TSPAN18: variants seen among roughly 807,000 people sequenced by gnomAD.
The protein encoded by TSPAN18 is tetraspanin-18.
In TSPAN18, 14 loss-of-function variants were observed where a neutral mutation model predicts 27.3. That is an observed-to-expected ratio of 0.51 (90% CI 0.34 to 0.80). The LOEUF (loss-of-function observed/expected upper bound fraction) is 0.80, where lower values mean the gene tolerates loss of function less well. TSPAN18 is among the 30% of genes least tolerant of loss of function. The pLI is 0.01. For missense variants in TSPAN18, 268 were observed against 323.9 expected, an observed-to-expected ratio of 0.83 and a Z score of 1.32; for synonymous variants, 143 against 136.5, an observed-to-expected ratio of 1.05 and a Z score of -0.33.
At chr11:44,843,804 A>G (rs569884621) in intron 2 of TSPAN18, among the ~76,000 whole-genome samples, 1 of 152,368 alleles carries the variant, frequency 6.6e-6, no homozygotes, top group Admixed American at 6.5e-5. Context: ...TGTTCTGCCC[A>G]GCTCACCAGC....
chr11:44,883,337 G>T (rs767320373), intron 3 of TSPAN18, among the ~76,000 whole-genome samples: 8 of 152,214 alleles, frequency 5.3e-5, no homozygotes, highest in Non-Finnish European at 2.9e-5. Context: ...GTGGCACCTA[G>T]ATGTTTCTGC....
chr11:44,745,393 T>A (rs947562081), intron 1 of TSPAN18, among the ~76,000 whole-genome samples: 6 of 152,216 alleles, frequency 3.9e-5, no homozygotes, highest in Non-Finnish European at 5.9e-5. Context: ...GAGGCTCTAA[T>A]GAGCTCACAG....
At position 44,930,454 on chromosome 11, in the gene TSPAN18, C is replaced by A; in HGVS notation, c.*1276C>A. 4.6e-6 allele frequency: 1 copy of A among 215,778 alleles called. No homozygotes were observed. The highest frequency in any genetic ancestry group is 6.7e-5 in the South Asian group (1 of 14,822). The allele number at this position is 215,778 out of a possible 1,614,324, so 13.4% of individuals were successfully genotyped here. ...GGAGTGTTGAGGTCACACATTGACT[C>A]CCCTGAGCCCTCTTCTCTCCAGGCT... On this transcript the variant is annotated 3_prime_UTR_variant, in exon 10 of 10. Coordinates refer to ENST00000520358, the MANE Select transcript of TSPAN18 (RefSeq NM_130783.5).
At chr11:44,863,351 GGC>G (rs1857946949) in intron 3 of TSPAN18, among the ~76,000 whole-genome samples, 1 of 152,222 alleles carries the variant, frequency 6.6e-6, no homozygotes, top group Non-Finnish European at 1.5e-5. Flanking sequence ...CAGGCCTCCA[GGC>G]TTGGCCGTGC....
At chr11:44,751,940 A>G (rs1855220358) in intron 1 of TSPAN18, among the ~76,000 whole-genome samples, 1 of 151,878 alleles carries the variant, frequency 6.6e-6, no homozygotes, top group Non-Finnish European at 1.5e-5. Flanking sequence ...AAAAAAAAAA[A>G]GAAGTCATAT....
intron 3 of TSPAN18, among the ~76,000 whole-genome samples, chr11:44,861,910 A>G (rs72899306): frequency 0.09 from 13,640 of 151,866 alleles, 824 homozygotes; most frequent in Middle Eastern, 0.15. Flanking sequence ...TCTTTCTCAT[A>G]AAGAGTCCCT....
intron 2 of TSPAN18, among the ~76,000 whole-genome samples, chr11:44,846,259 T>G (rs1857477892): frequency 6.6e-6 from 1 of 152,256 alleles, no homozygotes; most frequent in Non-Finnish European, 1.5e-5. Flanking sequence ...TTTGTGTGAC[T>G]CTAGCATTCC....
rs1590671474 is a variant in TSPAN18, at chr11:44,908,831, A to AAAGAAAGAAAGAAAGAAAGGAAAGAAAG, written c.64-873_64-872insAGAAAGAAAGAAAGAAAGGAAAGAAAGA. ...AGAAAGAAAGAAAGAAAGAAAGAAA[A>AAAGAAAGAAAGAAAGAAAGGAAAGAAAG]AGAAAAATGGAGCAGATATTTATTG... On this transcript the variant is annotated intron_variant, in intron 4 of 9. Coordinates refer to ENST00000520358, the MANE Select transcript of TSPAN18 (RefSeq NM_130783.5). Among the ~76,000 whole-genome samples, 9 of 96,236 alleles carry AAAGAAAGAAAGAAAGAAAGGAAAGAAAG rather than the reference A, an allele frequency of 9.4e-5. 1 individual carries two copies. Among genetic ancestry groups the AAAGAAAGAAAGAAAGAAAGGAAAGAAAG allele is most frequent in the African/African-American group, 3.8e-4 (9 of 23,804 alleles). The allele number at this position is 96,236 out of a possible 152,430, so 63.1% of individuals were successfully genotyped here.
At chr11:44,833,381 C>T (rs1441839791) in intron 2 of TSPAN18, among the ~76,000 whole-genome samples, 1 of 151,892 alleles carries the variant, frequency 6.6e-6, no homozygotes, top group East Asian at 1.9e-4. Context: ...AATGGTGACT[C>T]TTAGGTAATT....
chr11:44,765,335 G>A (rs1381022441), intron 2 of TSPAN18, among the ~76,000 whole-genome samples: 1 of 152,226 alleles, frequency 6.6e-6, no homozygotes. Flanking sequence ...CCATGGAGAG[G>A]AGAGGGGATC....
At chr11:44,854,162 T>G (rs1426741292) in intron 2 of TSPAN18, among the ~76,000 whole-genome samples, 1 of 115,822 alleles carries the variant, frequency 8.6e-6, no homozygotes, top group South Asian at 3.0e-4. Flanking sequence ...CTGTGCCACA[T>G]GCAGAGCTCC....
chr11:44,890,971 G>C (rs1858830015), intron 3 of TSPAN18, among the ~76,000 whole-genome samples: 1 of 152,104 alleles, frequency 6.6e-6, no homozygotes, highest in Non-Finnish European at 1.5e-5. Context: ...CAGAGTTCGA[G>C]ACCAGTCTGG....
chr11:44,917,783 C>T, intron 5 of TSPAN18, 189 bp from the exon 6 acceptor site: 4 of 600,378 alleles, frequency 6.7e-6, no homozygotes, highest in Non-Finnish European at 1.2e-5. Context: ...TGATCTCAAT[C>T]CTGTTGACTC....
rs1052665860 is a variant in TSPAN18, at chr11:44,762,873, G to A, written c.-239-1553G>A. Among the ~76,000 whole-genome samples the A allele has an allele frequency of 2.0e-5, 3 of 152,098 alleles. No individual in the cohort carries two copies. In the East Asian group the frequency reaches 5.8e-4, roughly 29 times the overall value. On this transcript the variant is annotated intron_variant, in intron 1 of 9. Coordinates refer to ENST00000520358, the MANE Select transcript of TSPAN18 (RefSeq NM_130783.5). ...GCTGCCCTGATGCTGGGGTCTGTGG[G>A]GTAGACCTCGAACTCATCACCTTCC... is the stretch of plus-strand genomic sequence containing the variant.
chr11:44,790,611 C>CGT (rs150864803), intron 2 of TSPAN18, among the ~76,000 whole-genome samples: 3 of 148,954 alleles, frequency 2.0e-5, no homozygotes, highest in Non-Finnish European at 4.5e-5. Context: ...TGCATGTGTT[C>CGT]GTGTGTGTGT....
intron 1 of TSPAN18, among the ~76,000 whole-genome samples, chr11:44,735,720 C>T (rs1854776452): frequency 6.6e-6 from 1 of 151,926 alleles, no homozygotes; most frequent in Non-Finnish European, 1.5e-5. Context: ...GGGTTCATAC[C>T]ATTCTCCTGC....
intron 2 of TSPAN18, among the ~76,000 whole-genome samples, chr11:44,808,561 CAT>C (rs1156744713): frequency 3.9e-5 from 6 of 152,114 alleles, no homozygotes; most frequent in African/African-American, 1.4e-4. Context: ...GAGTGAGTGA[CAT>C]GTACAAATAC....
At chr11:44,894,757 G>T (rs943441762) in intron 3 of TSPAN18, among the ~76,000 whole-genome samples, 1 of 152,238 alleles carries the variant, frequency 6.6e-6, no homozygotes, top group Non-Finnish European at 1.5e-5. Flanking sequence ...AGCTGGCTCA[G>T]GGAAGAAGTT....
rs375803412 is a variant in TSPAN18, at chr11:44,804,651, G to C, written c.-153+40139G>C. On this transcript the variant is annotated intron_variant, in intron 2 of 9. Transcript: ENST00000520358. ...AGCAGCGATGAGGGATTCTTGGCAA[G>C]CTGAGGTTTTCAGAGCTCCCCTCTG... Among the ~76,000 whole-genome samples the C allele has an allele frequency of 2.1e-4, 32 of 152,338 alleles. No individual in the cohort carries two copies. In the East Asian group the frequency reaches 3.7e-3, roughly 17 times the overall value.
Sources: gnomAD v4.1 joint callset for allele counts (sites outside exome capture counted in the v4.1 genomes callset) on GRCh38, gnomAD v4.1.1 for gene constraint, MANE v1.5 for transcripts, NCBI Gene and HGNC (gene_info 2026-07-23, HGNC 2026-07-21) for gene names.